Variants in MUC4 observed in about 807,000 individuals in gnomAD.
MUC4 encodes the protein mucin 4, cell surface associated, also known as mucin-4.
MUC4 carries 202 observed loss-of-function variants against 257.9 expected under a neutral mutation model. The ratio of observed to expected loss-of-function variants is 0.78; its 90% confidence interval spans 0.70 to 0.88. The LOEUF is 0.88. Among genes scored for constraint, MUC4 ranks in the 40% least tolerant of loss-of-function variants. MUC4 has a pLI of 0.00. For synonymous variants in MUC4, 2,351 were observed against 2,757.1 expected (o/e 0.85, Z 4.62); for missense variants, 5,976 against 6,513.7 (o/e 0.92, Z 2.84).
rs1416783324 is a variant in MUC4 at position 195,781,346 on chromosome 3, T to C, written c.10234A>G (p.Thr3412Ala). ...STGDTMPLPV[T>A]SPSSASTGHA... The stretch of plus-strand genomic sequence containing the variant: ...CCTGTGGATGCTGAGGAAGGGCTAG[T>C]GACAGGAAGAGGCATGGTGTCACCT... Residue 3412 changes from threonine to alanine, a missense_variant, in exon 2 of 25, where the codon ACT becomes GCT. By Grantham distance (58) the Thr-to-Ala change is moderately conservative (BLOSUM62 0). Coordinates refer to ENST00000463781, the MANE Select transcript of MUC4 (RefSeq NM_018406.7). 6.7e-7 allele frequency: 1 copy of C among 1,487,014 alleles called. No individual in the cohort carries two copies. Among genetic ancestry groups the C allele is most frequent in the South Asian group, 1.3e-5 (1 of 79,646 alleles). 92.1% of individuals were successfully genotyped at this position (1,487,014 alleles called of 1,614,324 possible).
chr3:195,780,545 T>C lies in MUC4; in HGVS notation c.11035A>G (p.Thr3679Ala), dbSNP rs774784644. 2 of 642,958 alleles carry C rather than the reference T, an allele frequency of 3.1e-6. No individual in the cohort carries two copies. Among genetic ancestry groups the C allele is most frequent in the African/African-American group, 1.2e-4 (2 of 17,056 alleles). The allele number at this position is 642,958 out of a possible 1,614,324, so 39.8% of individuals were successfully genotyped here. A position where few individuals can be genotyped will look rare whatever the true frequency, so the allele number is the denominator to read the frequency against. ...GAAGTGTCCGTGACAGGAAGACGGG[T>C]GGTGTCACCTGTGGATGCTGAGGAA... ...DTSSASTGDT[T>A]RLPVTDTSSA... Residue 3679 changes from threonine (T) to alanine (A), a missense_variant, in exon 2 of 25, where the codon ACC becomes GCC. Thr to Ala is a moderately conservative substitution (Grantham distance 58). This residue lies in a region of MUC4 where 330 missense variants were observed against 262.0 expected (regional missense o/e 1.26). Transcript: ENST00000463781.
At chr3:195,800,206 A>T (rs1735114582) in intron 1 of MUC4, among the ~76,000 whole-genome samples, 1 of 151,876 alleles carries the variant, frequency 6.6e-6, no homozygotes, top group African/African-American at 2.4e-5. Flanking sequence ...CAAACCTGGG[A>T]GGTGGAGGTT....
At chr3:195,802,792 C>T (rs1307626728) in intron 1 of MUC4, among the ~76,000 whole-genome samples, 1 of 152,194 alleles carries the variant, frequency 6.6e-6, no homozygotes, top group Non-Finnish European at 1.5e-5. Context: ...TTTCTCGTTT[C>T]TGCGGGAGAC....
chr3:195,773,182 C>T (rs1404254649), intron 4 of MUC4, among the ~76,000 whole-genome samples: 9 of 139,864 alleles, frequency 6.4e-5, no homozygotes, highest in Admixed American at 1.4e-4. Flanking sequence ...CTCAGGGGTG[C>T]AGACACCCCA....
At chr3:195,778,647 C>G (rs113139268) in intron 2 of MUC4, 143 bp downstream of exon 2, 1 of 1,250,456 alleles carries the variant, frequency 8.0e-7, no homozygotes, top group Non-Finnish European at 1.1e-6. Context: ...TGTCACCCAC[C>G]ACACCCATCA....
intron 15 of MUC4, 146 bp downstream of exon 15, chr3:195,761,338 G>A (rs1288616875): frequency 3.9e-6 from 3 of 766,356 alleles, no homozygotes; most frequent in Non-Finnish European, 6.4e-6. Context: ...GTGGGCTGGT[G>A]GTGGTGGGGA....
In MUC4 at chr3:195,757,899, T is replaced by C. The variant is rs1717972799; in HGVS notation, c.14987-571A>G. Among the ~76,000 whole-genome samples, 1 of 152,206 alleles carries C rather than the reference T, an allele frequency of 6.6e-6. No individual in the cohort carries two copies. Among genetic ancestry groups the C allele is most frequent in the African/African-American group, 2.4e-5 (1 of 41,448 alleles). On this transcript the variant is annotated intron_variant, in intron 17 of 24. Coordinates refer to ENST00000463781, the MANE Select transcript of MUC4 (RefSeq NM_018406.7). This position sits in a 1 kb window ranked among gnomAD's most constrained non-coding sequence, Gnocchi z 4.8. ...CAGATTGAAAGGAAGTGACAGAGAA[T>C]AGACGAACGTAATTTCCAGACCATC...
chr3:195,790,419 G>A lies in MUC4; in HGVS notation c.1161C>T (p.Phe387=), dbSNP rs768209924. ...TTCTGAACACCTTTGATGTTACCAG[G>A]AATGTATTGCTGACACTGGAAGGGG... ...TSSPSSVSNT[F]LVTSKVFRMP... Residue 387 remains phenylalanine, a synonymous_variant, in exon 2 of 25, where the codon TTC becomes TTT. Transcript: ENST00000463781. 129 of 1,613,450 alleles carry A rather than the reference G, an allele frequency of 8.0e-5. No individual in the cohort carries two copies. The highest frequency in any genetic ancestry group is 9.9e-5 in the Non-Finnish European group (117 of 1,179,518).
At chr3:195,798,560 C>T (rs1389179240) in intron 1 of MUC4, among the ~76,000 whole-genome samples, 15 of 152,026 alleles carry the variant, frequency 9.9e-5, no homozygotes, top group South Asian at 2.1e-4. Flanking sequence ...AAAAATTAGC[C>T]GGGCGTGGTG....
At chr3:195,762,044 C>T in intron 14 of MUC4, 43 bp downstream of exon 14, 1 of 1,545,818 alleles carries the variant, frequency 6.5e-7, no homozygotes. Context: ...CGAGCTCCGG[C>T]TGGCTCCGCG....
At chr3:195,794,178 T>G (rs1336036700) in intron 1 of MUC4, among the ~76,000 whole-genome samples, 1 of 151,694 alleles carries the variant, frequency 6.6e-6, no homozygotes, top group Non-Finnish European at 1.5e-5. Flanking sequence ...TTTTTTTGTT[T>G]AAAATATTTC....
rs1560290048 is a variant in MUC4, at chr3:195,777,899, GCCATACCTTCCACAC to G, written c.12943+389_12943+403del. Among the ~76,000 whole-genome samples, 52 of 32,006 alleles carry G rather than the reference GCCATACCTTCCACAC, an allele frequency of 1.6e-3. 4 individuals carry two copies. The highest frequency in any genetic ancestry group is 7.5e-3 in the African/African-American group (29 of 3,888). The allele number at this position is 32,006 out of a possible 152,430, so 21.0% of individuals were successfully genotyped here. A position where few individuals can be genotyped will look rare whatever the true frequency, so the allele number is the denominator to read the frequency against. On this transcript the variant is annotated intron_variant, in intron 3 of 24. Coordinates refer to ENST00000463781, the MANE Select transcript of MUC4 (RefSeq NM_018406.7). Reference sequence around the variant, plus strand: ...ACCTTCCACACCCATACCTTCCACAGCCATACCTTCCACACCCATACCTTCCACACCCATACCTTC... The same window carrying G: ...ACCTTCCACACCCATACCTTCCACAGCCATACCTTCCACACCCATACCTTC...
At chr3:195,749,988 C>T (rs1453290508) in intron 23 of MUC4, 1 of 152,238 alleles carries the variant, frequency 6.6e-6, no homozygotes, top group African/African-American at 2.4e-5. Flanking sequence ...GCGCCTCCTA[C>T]CCCAACTCCC....
At chr3:195,774,080 T>C in intron 4 of MUC4, 92 bp downstream of exon 4, 1 of 1,413,076 alleles carries the variant, frequency 7.1e-7, no homozygotes, top group Non-Finnish European at 9.4e-7. Flanking sequence ...CAAGGCTGCT[T>C]CCATTCCCGC....
intron 3 of MUC4, among the ~76,000 whole-genome samples, chr3:195,778,073 ACCGT>A (rs1725398642): frequency 6.6e-6 from 1 of 152,206 alleles, no homozygotes; most frequent in Admixed American, 6.5e-5. Context: ...CCGCTACCGG[ACCGT>A]CCATCTATCC....
chr3:195,753,791 C>T lies in MUC4; in HGVS notation c.15328+422G>A, dbSNP rs1236674018. ...GCCAGCCCCTCCAAACGTCCTGACT[C>T]GTGAGATGCAGAGATCCTGAGCCTC... On this transcript the variant is annotated intron_variant, in intron 19 of 24. Transcript: ENST00000463781. 5 of 199,112 alleles carry T rather than the reference C, an allele frequency of 2.5e-5. No individual in the cohort carries two copies. The South Asian group carries it at 6.5e-4, about 26-fold the overall frequency. 12.3% of individuals were successfully genotyped at this position (199,112 alleles called of 1,614,324 possible).
chr3:195,761,606 T>C (rs774885228), intron 14 of MUC4, 21 bp from the exon 15 acceptor site: 9 of 1,588,360 alleles, frequency 5.7e-6, no homozygotes, highest in Middle Eastern at 1.7e-4. Context: ...GAGTGGGAGG[T>C]TGGCCACCCT....
intron 2 of MUC4, 119 bp downstream of exon 2, chr3:195,778,671 G>T (rs576915582): frequency 7.6e-7 from 1 of 1,320,182 alleles, no homozygotes; most frequent in Non-Finnish European, 1.0e-6. Flanking sequence ...CCTCCCCTGT[G>T]GGACCTGACA....
rs1022514278 is a variant in MUC4, at chr3:195,755,310, C to G, written c.15169-938G>C. On this transcript the variant is annotated intron_variant, in intron 18 of 24. Transcript: ENST00000463781. The surrounding 1 kb of genome is among the most constrained non-coding windows in gnomAD (Gnocchi z 5.0). ...TCCCAAGTTAAAGCAATTCTTGTGC[C>G]TCAGCCTCCCAAATACTTGAGATTA... Among the ~76,000 whole-genome samples, 1 of 152,062 alleles carries G rather than the reference C, an allele frequency of 6.6e-6. No individual in the cohort carries two copies. The highest frequency in any genetic ancestry group is 1.5e-5 in the Non-Finnish European group (1 of 68,028).
Sources: allele counts gnomAD v4.1 joint callset (sites outside exome capture counted in the v4.1 genomes callset), GRCh38; gene constraint gnomAD v4.1.1; regional missense constraint gnomAD v4.1.1; non-coding constraint Gnocchi (gnomAD v3.1); transcripts MANE v1.5; gene names NCBI Gene and HGNC (gene_info 2026-07-23, HGNC 2026-07-21).